ADGRA3: variants seen among roughly 807,000 people sequenced by gnomAD.
The protein encoded by ADGRA3 is G-protein coupled receptor 125.
In ADGRA3, 56 loss-of-function variants were observed where a neutral mutation model predicts 119.8. The ratio of observed to expected loss-of-function variants is 0.47; its 90% confidence interval spans 0.38 to 0.58. The LOEUF is 0.58. Ranked by LOEUF, ADGRA3 falls within the 20% of genes least tolerant of loss-of-function variation. The pLI is 0.00. For missense variants in ADGRA3, 1,516 were observed against 1,649.0 expected (o/e 0.92, Z 1.40); for synonymous variants, 607 against 623.8 (o/e 0.97, Z 0.40).
At chr4:22,445,590 C>A (rs1716803762) in intron 5 of ADGRA3, among the ~76,000 whole-genome samples, 1 of 152,186 alleles carries the variant, frequency 6.6e-6, no homozygotes, top group South Asian at 2.1e-4. Flanking sequence ...TTCTGGCAAT[C>A]AAACAGCAAC....
chr4:22,388,889 T>C lies in ADGRA3; in HGVS notation c.2782A>G (p.Thr928Ala). The C allele has an allele frequency of 1.2e-6, 2 of 1,614,004 alleles. No homozygotes were observed. The highest frequency in any genetic ancestry group is 2.7e-5 in the African/African-American group (2 of 75,004). Residue 928 changes from threonine to alanine, a missense_variant, in exon 19 of 19, where the codon ACT (threonine) becomes GCT (alanine). Physicochemically the swap from Thr to Ala is moderately conservative, Grantham distance 58. Around this residue, in one of 2 missense-constraint regions of ADGRA3, gnomAD observed 1,088 missense variants for 1,107.1 expected, o/e 0.98. Transcript: ENST00000334304. Reference sequence around the variant, plus strand: ...AGAAAGTACATGCAGTTTACAAAAGTGATGAAGCTGGCTGGCCCATAGAAG... The same window carrying C: ...AGAAAGTACATGCAGTTTACAAAAGCGATGAAGCTGGCTGGCCCATAGAAG... ...GAFYGPASFI[T>A]FVNCMYFLSI...
chr4:22,515,416 T>C, intron 1 of ADGRA3, 112 bp downstream of exon 1: 2 of 1,327,046 alleles, frequency 1.5e-6, no homozygotes, highest in Non-Finnish European at 2.0e-6. Context: ...GCCCCCTGCC[T>C]ACAGCTCCAC....
intron 9 of ADGRA3, among the ~76,000 whole-genome samples, 181 bp from the exon 10 acceptor site, chr4:22,435,647 A>G (rs1716364140): frequency 6.6e-6 from 1 of 152,168 alleles, no homozygotes; most frequent in Admixed American, 6.5e-5. Context: ...ATGGAAACTC[A>G]CTGGAGGGAA....
chr4:22,496,850 G>A (rs1463039271), intron 1 of ADGRA3, among the ~76,000 whole-genome samples: 1 of 152,142 alleles, frequency 6.6e-6, no homozygotes, highest in African/African-American at 2.4e-5. Context: ...ACTGGCAAAT[G>A]ATGGCACATG....
intron 17 of ADGRA3, among the ~76,000 whole-genome samples, chr4:22,391,357 G>C (rs1714128893): frequency 6.6e-6 from 1 of 151,924 alleles, no homozygotes; most frequent in Non-Finnish European, 1.5e-5. Context: ...TTATTTCTCA[G>C]TTGATGGAAA....
At chr4:22,421,198 C>T in intron 11 of ADGRA3, 109 bp from the exon 12 acceptor site, 1 of 758,802 alleles carries the variant, frequency 1.3e-6, no homozygotes, top group Non-Finnish European at 2.1e-6. Context: ...AACCAGAAAG[C>T]CCAGGTTCTT....
chr4:22,452,138 C>T (rs949467792), intron 4 of ADGRA3, among the ~76,000 whole-genome samples: 24 of 152,146 alleles, frequency 1.6e-4, no homozygotes, highest in African/African-American at 4.6e-4. Flanking sequence ...TTAATTGCCA[C>T]GTTGTCTTTA....
At chr4:22,451,613 A>T (rs934285320) in intron 4 of ADGRA3, among the ~76,000 whole-genome samples, 1 of 151,968 alleles carries the variant, frequency 6.6e-6, no homozygotes, top group African/African-American at 2.4e-5. Flanking sequence ...GTTTTTTCTA[A>T]AAAAAAAAAA....
intron 1 of ADGRA3, among the ~76,000 whole-genome samples, chr4:22,497,547 G>A (rs766339351): frequency 7.2e-5 from 11 of 152,180 alleles, no homozygotes; most frequent in Admixed American, 2.6e-4. Flanking sequence ...CAGTGAGGCC[G>A]GGCACGGTGG....
intron 2 of ADGRA3, among the ~76,000 whole-genome samples, chr4:22,470,588 C>T (rs1717824923): frequency 6.6e-6 from 1 of 152,146 alleles, no homozygotes; most frequent in South Asian, 2.1e-4. Context: ...TTCTGCCAAC[C>T]GTCTTTTACA....
intron 1 of ADGRA3, among the ~76,000 whole-genome samples, chr4:22,511,446 A>G (rs1004968817): frequency 1.3e-5 from 2 of 152,226 alleles, no homozygotes; most frequent in African/African-American, 4.8e-5. Context: ...GCATAGCTAC[A>G]GAAACAAGTG....
intron 1 of ADGRA3, chr4:22,514,534 G>A (rs1719569827): frequency 6.6e-6 from 1 of 152,178 alleles, no homozygotes; most frequent in African/African-American, 2.4e-5. Context: ...AGATCATGCT[G>A]CGGTCCTTGC....
intron 1 of ADGRA3, among the ~76,000 whole-genome samples, chr4:22,476,613 C>T (rs181858027): frequency 1.3e-4 from 20 of 151,084 alleles, no homozygotes; most frequent in Middle Eastern, 3.5e-3. Flanking sequence ...TCAAAATGAT[C>T]GCTATTTTAG....
intron 12 of ADGRA3, chr4:22,414,108 T>C (rs1453238791): frequency 1.1e-5 from 3 of 275,816 alleles, no homozygotes; most frequent in Non-Finnish European, 2.0e-5. Context: ...TATGTTGAAG[T>C]AGATAGCATT....
At chr4:22,420,767 T>A (rs893900986) in intron 12 of ADGRA3, 119 bp downstream of exon 12, 18 of 938,254 alleles carry the variant, frequency 1.9e-5, no homozygotes, top group Non-Finnish European at 3.0e-5. Flanking sequence ...GCAAAAGCAA[T>A]AATACCTATC....
intron 1 of ADGRA3, among the ~76,000 whole-genome samples, chr4:22,510,482 A>T (rs558229092): frequency 6.6e-6 from 1 of 151,608 alleles, no homozygotes; most frequent in Admixed American, 6.6e-5. Flanking sequence ...CCTCCTGTTC[A>T]TGTTCCTCTA....
intron 4 of ADGRA3, among the ~76,000 whole-genome samples, chr4:22,454,053 G>A (rs889112628): frequency 6.6e-6 from 1 of 151,942 alleles, no homozygotes; most frequent in African/African-American, 2.4e-5. Flanking sequence ...TAGAGATGGG[G>A]TTTTACCATG....
intron 14 of ADGRA3, among the ~76,000 whole-genome samples, chr4:22,407,791 T>C (rs928824905): frequency 1.3e-5 from 2 of 152,194 alleles, no homozygotes; most frequent in African/African-American, 4.8e-5. Context: ...GAGATTCATA[T>C]ATTTACAAGT....
At chr4:22,443,245 AC>A (rs1716694151) in intron 6 of ADGRA3, 1 of 499,516 alleles carries the variant, frequency 2.0e-6, no homozygotes, top group Non-Finnish European at 3.5e-6. Flanking sequence ...TGATTACAAC[AC>A]GAGTTTTTGG....
Sources: gnomAD v4.1 joint callset for allele counts (sites outside exome capture counted in the v4.1 genomes callset) on GRCh38, gnomAD v4.1.1 for gene constraint, gnomAD v4.1.1 regional missense constraint, MANE v1.5 for transcripts, NCBI Gene and HGNC (gene_info 2026-07-23, HGNC 2026-07-21) for gene names.